The following DENND3 variants were observed in gnomAD, a reference collection of about 807,000 sequenced individuals.
DENND3 encodes DENN domain-containing protein 3.
In DENND3, 88 loss-of-function variants were observed where a neutral mutation model predicts 135.1. The ratio of observed to expected loss-of-function variants is 0.65; its 90% CI spans 0.55 to 0.78. The LOEUF (loss-of-function observed/expected upper bound fraction) is 0.78. DENND3 is among the 30% of genes least tolerant of loss of function. DENND3 has a pLI of 0.00. For synonymous variants in DENND3, 693 were observed against 712.3 expected, an observed-to-expected ratio of 0.97 and a Z score of 0.43; for missense variants, 1,392 against 1,688.4, an observed-to-expected ratio of 0.82 and a Z score of 3.08.
rs1223756570 is a variant in DENND3 at position 141,130,657 on chromosome 8, G to A, written c.102+1848G>A. ...TTATTTATTTAGATGTTTTTTCGGC[G>A]GTTCTATTTTGAATGTCCAAGGCTT... On this transcript the variant is annotated intron_variant, in intron 1 of 22. Coordinates refer to ENST00000519811, the MANE Select transcript of DENND3 (RefSeq NM_001352890.3). This position sits in a 1 kb window ranked among gnomAD's most constrained non-coding sequence, Gnocchi z 4.2. 1.3e-5 allele frequency among the ~76,000 whole-genome samples: 2 copies of A among 151,458 alleles called. No homozygotes were observed. Among genetic ancestry groups the A allele is most frequent in the Non-Finnish European group, 2.9e-5 (2 of 67,904 alleles).
chr8:141,136,926 G>T, intron 2 of DENND3, 135 bp downstream of exon 2: 1 of 751,172 alleles, frequency 1.3e-6, no homozygotes, highest in Non-Finnish European at 1.8e-6. Context: ...CTCCTCTTGT[G>T]GGATTTAGTT....
intron 7 of DENND3, among the ~76,000 whole-genome samples, chr8:141,155,418 T>A (rs1819318833): frequency 1.3e-5 from 2 of 152,140 alleles, no homozygotes; most frequent in Non-Finnish European, 2.9e-5. Flanking sequence ...TATTATTATT[T>A]TTTGAGACAG....
At chr8:141,193,803 A>G in intron 22 of DENND3, 1 of 586,638 alleles carries the variant, frequency 1.7e-6, no homozygotes, top group South Asian at 2.1e-5. Flanking sequence ...GCACTTTTCC[A>G]GCACGCAGTG....
At chr8:141,192,944 G>T in intron 22 of DENND3, 1 of 1,349,290 alleles carries the variant, frequency 7.4e-7, no homozygotes, top group Non-Finnish European at 9.7e-7. Flanking sequence ...CGACGCTGGA[G>T]GTCCAAAACC....
rs953697228 is a variant in DENND3, at chr8:141,138,988, G to A, written c.501+851G>A. 6.6e-6 allele frequency among the ~76,000 whole-genome samples: 1 copy of A among 152,224 alleles called. No individual in the cohort carries two copies. The highest frequency in any genetic ancestry group is 1.5e-5 in the Non-Finnish European group (1 of 68,046). On this transcript the variant is annotated intron_variant, in intron 3 of 22. Transcript: ENST00000519811. This position sits in a 1 kb window ranked among gnomAD's most constrained non-coding sequence, Gnocchi z 4.8. ...ACACATTACATCTGTCACACATATT[G>A]GGAGTGTTGTCTGGGTAGGGCCGTG...
chr8:141,148,915 CT>C (rs747154335), intron 5 of DENND3, among the ~76,000 whole-genome samples: 2,642 of 143,442 alleles, frequency 0.018, 45 homozygotes, highest in African/African-American at 0.053. Context: ...ATGAATCTGC[CT>C]TTTTTTTTTT....
At chr8:141,192,759 T>TGCC in intron 22 of DENND3, 96 bp downstream of exon 22, 1 of 1,605,004 alleles carries the variant, frequency 6.2e-7, no homozygotes, top group Non-Finnish European at 8.5e-7. Context: ...CACGCCCTCG[T>TGCC]GCCCTCCTGC....
At chr8:141,145,734 T>C (rs1315703563) in intron 5 of DENND3, among the ~76,000 whole-genome samples, 2 of 149,828 alleles carry the variant, frequency 1.3e-5, no homozygotes, top group African/African-American at 4.9e-5. Flanking sequence ...ACCTGAATCC[T>C]TTTATAGAAG....
intron 18 of DENND3, chr8:141,185,535 C>A (rs954086814): frequency 1.2e-4 from 50 of 408,592 alleles, no homozygotes; most frequent in Non-Finnish European, 2.1e-4. Context: ...TTCAGGCCCC[C>A]ATCTAAAAAT....
rs1436650376 is a variant in DENND3 at position 141,141,134 on chromosome 8, C to T, written c.502-69C>T. 4 of 1,609,990 alleles carry T rather than the reference C, an allele frequency of 2.5e-6. No homozygotes were observed. The Admixed American group carries it at 6.7e-5, about 27-fold the overall frequency. ...AGCTTGCTGTGTGCTGAAACGTGACCCAGTTGGAAACAGATACTGGAATTG... is the reference window on the plus strand; with the variant it reads ...AGCTTGCTGTGTGCTGAAACGTGACTCAGTTGGAAACAGATACTGGAATTG... On this transcript the variant is annotated intron_variant, in intron 3 of 22. Coordinates refer to ENST00000519811, the MANE Select transcript of DENND3 (RefSeq NM_001352890.3). The surrounding 1 kb of genome is among the most constrained non-coding windows in gnomAD (Gnocchi z 5.3).
intron 6 of DENND3, among the ~76,000 whole-genome samples, chr8:141,151,385 C>A (rs571506698): frequency 6.6e-6 from 1 of 152,218 alleles, no homozygotes; most frequent in East Asian, 1.9e-4. Flanking sequence ...CATAGGGAGA[C>A]CTTGTCTCCA....
In DENND3 at chr8:141,145,803, T is replaced by TTATATATATG. The variant is rs1817954879; in HGVS notation, c.735+1553_735+1554insGTATATATAT. 6.9e-5 allele frequency among the ~76,000 whole-genome samples: 6 copies of TTATATATATG among 87,122 alleles called. 1 individual carries two copies. Among genetic ancestry groups the TTATATATATG allele is most frequent in the African/African-American group, 2.5e-4 (6 of 24,462 alleles). The allele number at this position is 87,122 out of a possible 152,430, so 57.2% of individuals were successfully genotyped here. A position where few individuals can be genotyped will look rare whatever the true frequency, so the allele number is the denominator to read the frequency against. ...GTTTATTTGTCTTTAATATTGAATA[T>TTATATATATG]TATATATATATATATATATATATAT... On this transcript the variant is annotated intron_variant, in intron 5 of 22. Coordinates refer to ENST00000519811, the MANE Select transcript of DENND3 (RefSeq NM_001352890.3).
chr8:141,143,613 G>T (rs112320758), intron 4 of DENND3, among the ~76,000 whole-genome samples: 1 of 152,132 alleles, frequency 6.6e-6, no homozygotes, highest in Admixed American at 6.5e-5. Context: ...ACTATCTTGC[G>T]CAGGCTGGCC....
At chr8:141,142,896 C>G (rs759460417) in intron 4 of DENND3, 1 of 156,084 alleles carries the variant, frequency 6.4e-6, no homozygotes. Context: ...GTGTTTTCTC[C>G]GCCTCCTGGT....
At chr8:141,179,045 A>G (rs1822761746) in intron 16 of DENND3, among the ~76,000 whole-genome samples, 1 of 152,228 alleles carries the variant, frequency 6.6e-6, no homozygotes, top group Admixed American at 6.5e-5. Flanking sequence ...GGCTTTTTAA[A>G]AAGTCGCAGA....
chr8:141,188,884 G>T (rs1824293568), intron 18 of DENND3, 102 bp from the exon 19 acceptor site: 2 of 1,452,630 alleles, frequency 1.4e-6, no homozygotes, highest in Non-Finnish European at 9.2e-7. Context: ...AGGAGCAGTG[G>T]TTCCATATCC....
In DENND3 at chr8:141,136,518, A is replaced by G. The variant is rs867633680; in HGVS notation, c.112A>G (p.Lys38Glu). 12 of 1,544,394 alleles carry G rather than the reference A, an allele frequency of 7.8e-6. No individual in the cohort carries two copies. The Middle Eastern group carries it at 1.5e-3, about 194-fold the overall frequency. ...SLRSLEQVAY[K>E]KGVKHLSALL... Reference sequence around the variant, plus strand: ...TTTTTCCCTTTTTTAGGTTGCTTATAAAAAGGGAGTCAAACATCTTTCTGC... The same window carrying G: ...TTTTTCCCTTTTTTAGGTTGCTTATGAAAAGGGAGTCAAACATCTTTCTGC... Residue 38 changes from lysine to glutamate, a missense_variant, in exon 2 of 23, where the codon AAA becomes GAA. Coordinates refer to ENST00000519811, the MANE Select transcript of DENND3 (RefSeq NM_001352890.3).
At chr8:141,151,282 C>T (rs78971074) in intron 6 of DENND3, among the ~76,000 whole-genome samples, 147 of 152,174 alleles carry the variant, frequency 9.7e-4, no homozygotes, top group Non-Finnish European at 8.1e-4. Context: ...GTACATGGGC[C>T]GGGTGCGGTG....
rs1296744421 is a variant in DENND3 at position 141,194,148 on chromosome 8, G to A, written c.3752G>A (p.Arg1251Lys). The A allele has an allele frequency of 3.7e-6, 6 of 1,613,904 alleles. No homozygotes were observed. The highest frequency in any genetic ancestry group is 1.3e-5 in the African/African-American group (1 of 75,060). The change falls in exon 23 of 23, where the codon AGG becomes AAG. Residue 1251 changes from arginine to lysine, a missense_variant. Transcript: ENST00000519811. Reference protein sequence around the residue: ...KELVAHMDTVRTLCSAEDRYV... With the variant: ...KELVAHMDTVKTLCSAEDRYV... ...CTGGTGGCGCACATGGACACCGTGAGGACGCTGTGCTCGGCTGAGGACAGA... is the reference window on the plus strand; with the variant it reads ...CTGGTGGCGCACATGGACACCGTGAAGACGCTGTGCTCGGCTGAGGACAGA...
Sources: gnomAD v4.1 joint callset for allele counts (sites outside exome capture counted in the v4.1 genomes callset) on GRCh38, gnomAD v4.1.1 for gene constraint, Gnocchi (gnomAD v3.1) non-coding constraint, MANE v1.5 for transcripts, NCBI Gene and HGNC (gene_info 2026-07-23, HGNC 2026-07-21) for gene names.